The following PGF variants were observed in gnomAD, a reference collection of about 807,000 sequenced individuals.
The protein encoded by PGF is placenta growth factor.
Under a neutral mutation model 25.3 loss-of-function variants are expected in PGF, and 11 were observed. That is an observed-to-expected ratio of 0.43 (90% CI 0.27 to 0.72). The LOEUF is 0.72. Among genes scored for constraint, PGF ranks in the 30% least tolerant of loss-of-function variants. The pLI is 0.18. For missense variants in PGF, 230 were observed against 234.9 expected, an observed-to-expected ratio of 0.98 and a Z score of 0.14; for synonymous variants, 105 against 97.9, an observed-to-expected ratio of 1.07 and a Z score of -0.43.
chr14:74,954,826 T>C (rs534782928), intron 1 of PGF, among the ~76,000 whole-genome samples: 1 of 152,102 alleles, frequency 6.6e-6, no homozygotes, highest in South Asian at 2.1e-4. Flanking sequence ...TGGTTGGCCA[T>C]GGGGCCTCGA....
chr14:74,955,104 C>T lies in PGF; in HGVS notation c.75+64G>A. On this transcript the variant is annotated intron_variant, in intron 1 of 6. Coordinates refer to ENST00000555567, the MANE Select transcript of PGF (RefSeq NM_002632.6). This position sits in a 1 kb window ranked among gnomAD's most constrained non-coding sequence, Gnocchi z 4.1. ...TGGAGTGGGTCTGTGATTTCAGAGT[C>T]CCATGCTTCCAGTGCTGGGATGGGG... 2 of 909,574 alleles carry T rather than the reference C, an allele frequency of 2.2e-6. No homozygotes were observed. The highest frequency in any genetic ancestry group is 3.1e-6 in the Non-Finnish European group (2 of 639,894). The allele number at this position is 909,574 out of a possible 1,614,324, so 56.3% of individuals were successfully genotyped here.
intron 1 of PGF, among the ~76,000 whole-genome samples, chr14:74,954,467 T>C (rs1014469487): frequency 3.3e-5 from 5 of 152,096 alleles, no homozygotes; most frequent in Non-Finnish European, 5.9e-5. Flanking sequence ...AGCCCACTCC[T>C]ACTCTTGGGC....
chr14:74,948,340 T>C (rs1594986756), intron 4 of PGF, 167 bp downstream of exon 4: 2 of 494,794 alleles, frequency 4.0e-6, no homozygotes, highest in East Asian at 6.7e-5. Context: ...ACAAAATGAA[T>C]GGTAGCCACC....
At position 74,955,179 on chromosome 14, in the gene PGF, C is replaced by T. The variant is rs545154602; in HGVS notation, c.64G>A (p.Val22Met). ...QLLAGLALPAVPPQQWALSAG... is the reference protein window; with the variant it reads ...QLLAGLALPAMPPQQWALSAG... ...GGGGTAGCTCTTACCTGGGGGGGCA[C>T]AGCAGGCAGCGCCAGCCCGGCCAGG... Residue 22 changes from valine to methionine, a missense_variant, in exon 1 of 7, where the codon GTG becomes ATG. Physicochemically the swap from Val to Met is conservative, Grantham distance 21. Coordinates refer to ENST00000555567, the MANE Select transcript of PGF (RefSeq NM_002632.6). The surrounding 1 kb of genome is among the most constrained non-coding windows in gnomAD (Gnocchi z 4.1). 3 of 1,478,930 alleles carry T rather than the reference C, an allele frequency of 2.0e-6. No homozygotes were observed. In the Admixed American group the frequency reaches 6.7e-5, roughly 33 times the overall value. 91.6% of individuals were successfully genotyped at this position (1,478,930 alleles called of 1,614,324 possible).
chr14:74,942,583 G>A lies in PGF; in HGVS notation c.*123C>T. On this transcript the variant is annotated 3_prime_UTR_variant, in exon 7 of 7. Transcript: ENST00000555567. The stretch of plus-strand genomic sequence containing the variant: ...CTGCCCCTCGTCTTGAAGGGAGCGA[G>A]GCATTCAGCAGGGAAACAGTTGGCT... The A allele has an allele frequency of 2.2e-6, 2 of 928,692 alleles. No individual in the cohort carries two copies. Among genetic ancestry groups the A allele is most frequent in the Non-Finnish European group, 3.4e-6 (2 of 580,574 alleles). The allele number at this position is 928,692 out of a possible 1,614,324, so 57.5% of individuals were successfully genotyped here. A position where few individuals can be genotyped will look rare whatever the true frequency, so the allele number is the denominator to read the frequency against.
chr14:74,942,793 C>T, intron 6 of PGF, 60 bp from the exon 7 acceptor site: 3 of 1,538,344 alleles, frequency 2.0e-6, no homozygotes, highest in Non-Finnish European at 2.6e-6. Context: ...GTGCGGTCTC[C>T]TCCTATGGAG....
In PGF at chr14:74,946,268, G is replaced by A. The variant is rs766786596; in HGVS notation, c.430C>T (p.Pro144Ser). The change falls in exon 6 of 7, where the codon CCC becomes TCC. Residue 144 changes from proline (P) to serine (S), a missense_variant. Coordinates refer to ENST00000555567, the MANE Select transcript of PGF (RefSeq NM_002632.6). ...CTCCTCCTCTTCCCCCTGCCCTTGG[G>A]TCTCCTCCTGCAATAAGCCAAGCGT... is the stretch of plus-strand genomic sequence containing the variant. The part of the protein sequence containing the change: ...REKMKPERRR[P>S]KGRGKRRREK... 104 of 1,614,046 alleles carry A rather than the reference G, an allele frequency of 6.4e-5. No homozygotes were observed. Among genetic ancestry groups the A allele is most frequent in the Non-Finnish European group, 8.6e-5 (102 of 1,180,028 alleles).
Position 74,950,563 on chromosome 14 carries a change from C to T in PGF, c.119-1010G>A, listed in dbSNP as rs1484877668. 6.6e-6 allele frequency among the ~76,000 whole-genome samples: 1 copy of T among 152,200 alleles called. No individual in the cohort carries two copies. Among genetic ancestry groups the T allele is most frequent in the Non-Finnish European group, 1.5e-5 (1 of 68,040 alleles). On this transcript the variant is annotated intron_variant, in intron 2 of 6. Coordinates refer to ENST00000555567, the MANE Select transcript of PGF (RefSeq NM_002632.6). This position sits in a 1 kb window ranked among gnomAD's most constrained non-coding sequence, Gnocchi z 4.1. ...AAGATGCTGCTCTTTCGGGGGAAGG[C>T]CTAGGACCAGGCCCCAAATAGAGGC...
At chr14:74,954,434 C>T (rs1566860207) in intron 1 of PGF, among the ~76,000 whole-genome samples, 1 of 152,260 alleles carries the variant, frequency 6.6e-6, no homozygotes, top group East Asian at 1.9e-4. Flanking sequence ...GGCTGGGCTG[C>T]TCGGACTCCT....
In PGF at chr14:74,945,723, C is replaced by T. The variant is rs61759388; in HGVS notation, c.485+490G>A. ...GGGTTAGAAGCAGCAAGGGGACCCA[C>T]AGGCAAAAATACTCCTGGGAGACAG... On this transcript the variant is annotated intron_variant, in intron 6 of 6. Transcript: ENST00000555567. The T allele has an allele frequency of 5.2e-3, 815 of 156,746 alleles. 8 individuals are homozygous for T. The highest frequency in any genetic ancestry group is 0.019 in the African/African-American group (788 of 41,700). 9.7% of individuals were successfully genotyped at this position (156,746 alleles called of 1,614,324 possible).
chr14:74,944,195 C>A (rs555854376), intron 6 of PGF, among the ~76,000 whole-genome samples: 1 of 151,272 alleles, frequency 6.6e-6, no homozygotes, highest in Non-Finnish European at 1.5e-5. Flanking sequence ...TTCCGCCTCC[C>A]GGGTTCATGC....
rs905693280 is a variant in PGF at position 74,942,473 on chromosome 14, C to T, written c.*233G>A. On this transcript the variant is annotated 3_prime_UTR_variant, in exon 7 of 7. Coordinates refer to ENST00000555567, the MANE Select transcript of PGF (RefSeq NM_002632.6). The stretch of plus-strand genomic sequence containing the variant: ...GCCACGTGTCTTGCTTCTTTCAAAG[C>T]GGAAGCTCCCAGGGGTCTGTGGCTG... The T allele has an allele frequency of 1.5e-5, 8 of 540,014 alleles. No individual in the cohort carries two copies. Among genetic ancestry groups the T allele is most frequent in the Admixed American group, 3.5e-5 (1 of 28,710 alleles). The allele number at this position is 540,014 out of a possible 1,614,324, so 33.5% of individuals were successfully genotyped here.
chr14:74,953,475 T>C lies in PGF; in HGVS notation c.118+429A>G, dbSNP rs1445809109. On this transcript the variant is annotated intron_variant, in intron 2 of 6. Coordinates refer to ENST00000555567, the MANE Select transcript of PGF (RefSeq NM_002632.6). The surrounding 1 kb of genome is among the most constrained non-coding windows in gnomAD (Gnocchi z 5.4). ...GAAACGCATGGTCAGATCCCGGCAGTTCCACCAGGGCTGGGCTGCTGGGGA... is the reference window on the plus strand; with the variant it reads ...GAAACGCATGGTCAGATCCCGGCAGCTCCACCAGGGCTGGGCTGCTGGGGA... 6.6e-6 allele frequency among the ~76,000 whole-genome samples: 1 copy of C among 152,140 alleles called. No homozygotes were observed. Among genetic ancestry groups the C allele is most frequent in the Non-Finnish European group, 1.5e-5 (1 of 68,012 alleles).
At position 74,942,267 on chromosome 14, in the gene PGF, GCC is replaced by G; in HGVS notation, c.*437_*438del. The G allele has an allele frequency of 5.8e-6, 1 of 173,650 alleles. No homozygotes were observed. Among genetic ancestry groups the G allele is most frequent in the Non-Finnish European group, 1.2e-5 (1 of 82,492 alleles). The allele number at this position is 173,650 out of a possible 1,614,324, so 10.8% of individuals were successfully genotyped here. On this transcript the variant is annotated 3_prime_UTR_variant, in exon 7 of 7. Coordinates refer to ENST00000555567, the MANE Select transcript of PGF (RefSeq NM_002632.6). ...CCGCCCGCTGCCGGCCTTCCCACCA[GCC>G]AGGCCGTGGCGGCCCCAGCAGGATC...
intron 2 of PGF, among the ~76,000 whole-genome samples, chr14:74,951,110 T>C (rs1450635061): frequency 6.6e-6 from 1 of 152,174 alleles, no homozygotes; most frequent in African/African-American, 2.4e-5. Flanking sequence ...GGTGTGTCCA[T>C]GTGGAGCTGG....
At chr14:74,951,765 T>C (rs28496251) in intron 2 of PGF, among the ~76,000 whole-genome samples, 12,339 of 151,334 alleles carry the variant, frequency 0.082, 1,628 homozygotes, top group African/African-American at 0.28. Flanking sequence ...GTGGCCGAAC[T>C]GTGTTGGGGG....
Position 74,953,428 on chromosome 14 carries a change from TTCTG to T in PGF, c.118+472_118+475del, listed in dbSNP as rs1888917437. Among the ~76,000 whole-genome samples the T allele has an allele frequency of 6.6e-6, 1 of 152,052 alleles. No homozygotes were observed. The highest frequency in any genetic ancestry group is 2.4e-5 in the African/African-American group (1 of 41,396). ...AGGGGCCAGGGAGGGCGCGACTATG[TTCTG>T]TCTGTTTATAATCAATGGAAACGCA... On this transcript the variant is annotated intron_variant, in intron 2 of 6. Transcript: ENST00000555567. The surrounding 1 kb of genome is among the most constrained non-coding windows in gnomAD (Gnocchi z 5.4).
intron 4 of PGF, 60 bp from the exon 5 acceptor site, chr14:74,946,468 C>T: frequency 1.3e-6 from 2 of 1,531,144 alleles, no homozygotes. Flanking sequence ...AGTGGGGCTC[C>T]CTGCCGCCCG....
chr14:74,946,873 A>G, intron 4 of PGF: 1 of 760,956 alleles, frequency 1.3e-6, no homozygotes, highest in Non-Finnish European at 2.4e-6. Context: ...GGAGTGAGCG[A>G]CGGGGTGGGA....
Sources: allele counts gnomAD v4.1 joint callset (sites outside exome capture counted in the v4.1 genomes callset), GRCh38; gene constraint gnomAD v4.1.1; non-coding constraint Gnocchi (gnomAD v3.1); transcripts MANE v1.5; gene names NCBI Gene and HGNC (gene_info 2026-07-23, HGNC 2026-07-21).